Variants in PRKCQ observed in about 807,000 individuals in gnomAD.
PRKCQ encodes protein kinase C theta.
In PRKCQ, 41 loss-of-function variants were observed where a neutral mutation model predicts 91.2. The ratio of observed to expected loss-of-function variants is 0.45; its 90% confidence interval spans 0.35 to 0.58. The LOEUF (loss-of-function observed/expected upper bound fraction) is 0.58, where lower values mean the gene tolerates loss of function less well. PRKCQ is among the 20% of genes least tolerant of loss of function. PRKCQ has a pLI of 0.00. For synonymous variants in PRKCQ, 307 were observed against 316.9 expected (o/e 0.97, Z 0.33); for missense variants, 673 against 896.5 (o/e 0.75, Z 3.18).
chr10:6,404,586 TC>T, the PRKCQ span, among the ~76,000 whole-genome samples: 380 of 146,286 alleles, frequency 2.6e-3, 6 homozygotes, highest in African/African-American at 7.2e-3. Flanking sequence ...TTTCTTTCTT[TC>T]TTTTTTTCTC....
upstream of PRKCQ, chr10:6,580,278 C>CGGGACTG (rs1564405575): frequency 3.7e-3 from 81 of 22,028 alleles, 1 homozygote; most frequent in South Asian, 0.084. Context: ...GCGGGGACTG[C>CGGGACTG]GCGGGGACTG....
In PRKCQ at chr10:6,576,355, A is replaced by G. The variant is rs1367494872; in HGVS notation, c.-10+3856T>C. On this transcript the variant is annotated intron_variant, in intron 1 of 17. Coordinates refer to ENST00000263125, the MANE Select transcript of PRKCQ (RefSeq NM_006257.5). This position sits in a 1 kb window ranked among gnomAD's most constrained non-coding sequence, Gnocchi z 4.2. ...AATGTGGTATATCCATAAATGGAAT[A>G]GTATTCAGACTTAAAAAGGAAGGAA... Among the ~76,000 whole-genome samples, 3 of 152,276 alleles carry G rather than the reference A, an allele frequency of 2.0e-5. No homozygotes were observed. The highest frequency in any genetic ancestry group is 4.8e-5 in the African/African-American group (2 of 41,476).
At chr10:6,566,436 C>A (rs1326230251) in intron 1 of PRKCQ, among the ~76,000 whole-genome samples, 2 of 152,138 alleles carry the variant, frequency 1.3e-5, no homozygotes, top group Non-Finnish European at 2.9e-5. Context: ...AAAACAGCTA[C>A]AAAATATTCG....
At chr10:6,491,570 G>A in intron 8 of PRKCQ, 113 bp downstream of exon 8, 1 of 1,404,326 alleles carries the variant, frequency 7.1e-7, no homozygotes, top group Non-Finnish European at 9.6e-7. Flanking sequence ...TGACTTGTCT[G>A]GGCTGGGTGT....
chr10:6,412,405 G>A, the PRKCQ span, among the ~76,000 whole-genome samples: 1 of 152,174 alleles, frequency 6.6e-6, no homozygotes, highest in Non-Finnish European at 1.5e-5. Context: ...TGAAATTAAA[G>A]CTAACTTTAA....
chr10:6,511,519 G>A (rs1019366661), intron 2 of PRKCQ, among the ~76,000 whole-genome samples: 11 of 152,360 alleles, frequency 7.2e-5, no homozygotes, highest in African/African-American at 2.6e-4. Context: ...GCCAATGACT[G>A]AGATGACGAG....
At chr10:6,468,217 G>A (rs1835785970) in intron 12 of PRKCQ, among the ~76,000 whole-genome samples, 1 of 152,158 alleles carries the variant, frequency 6.6e-6, no homozygotes, top group Non-Finnish European at 1.5e-5. Context: ...GGGAGGAATA[G>A]GACATTTTGT....
chr10:6,485,992 T>C (rs1836896249), intron 9 of PRKCQ, 43 bp downstream of exon 9: 1 of 1,529,024 alleles, frequency 6.5e-7, no homozygotes, highest in South Asian at 1.1e-5. Context: ...ACATCCTTGC[T>C]GAGCGGCCAT....
In PRKCQ at chr10:6,483,482, A is replaced by G. The variant is rs1836727348; in HGVS notation, c.1137T>C (p.Asp379=). ...TCCCCAACATTTTGTGCAAGATAAA[A>G]TCCTCAATTTTTAGTTTAATCTGCA... is the stretch of plus-strand genomic sequence containing the variant. ...PSLQIKLKIE[D]FILHKMLGKG... Residue 379 remains aspartate (D), a synonymous_variant, in exon 11 of 18, where the codon GAT becomes GAC. Transcript: ENST00000263125. The G allele has an allele frequency of 6.2e-7, 1 of 1,614,068 alleles. No individual in the cohort carries two copies. The highest frequency in any genetic ancestry group is 1.3e-5 in the African/African-American group (1 of 74,916).
chr10:6,507,902 T>G (rs1027753890), intron 3 of PRKCQ, among the ~76,000 whole-genome samples: 2 of 152,162 alleles, frequency 1.3e-5, no homozygotes, highest in African/African-American at 2.4e-5. Flanking sequence ...GAGGGAAAGA[T>G]AAATCCTGCC....
At chr10:6,472,286 C>G (rs750449363) in intron 12 of PRKCQ, among the ~76,000 whole-genome samples, 2 of 151,904 alleles carry the variant, frequency 1.3e-5, no homozygotes, top group South Asian at 4.2e-4. Flanking sequence ...CCAGGCTGGG[C>G]GACAGAGCGA....
chr10:6,409,052 T>C, the PRKCQ span, among the ~76,000 whole-genome samples: 2 of 152,226 alleles, frequency 1.3e-5, no homozygotes, highest in Non-Finnish European at 2.9e-5. Context: ...TTTCAAGTTT[T>C]GCCAGTCTCA....
Position 6,497,309 on chromosome 10 carries a change from G to A in PRKCQ, c.543-58C>T. 6.3e-7 allele frequency: 1 copy of A among 1,590,438 alleles called. No individual in the cohort carries two copies. The highest frequency in any genetic ancestry group is 8.6e-7 in the Non-Finnish European group (1 of 1,159,198). On this transcript the variant is annotated intron_variant, in intron 5 of 17. Coordinates refer to ENST00000263125, the MANE Select transcript of PRKCQ (RefSeq NM_006257.5). The surrounding 1 kb of genome is among the most constrained non-coding windows in gnomAD (Gnocchi z 4.5). The stretch of plus-strand genomic sequence containing the variant: ...GTTGGCATCAACATCAGCACCAACA[G>A]CATTTAAGAGATGGATGAGATCTCA...
At chr10:6,530,194 G>A (rs1286110773) in intron 1 of PRKCQ, among the ~76,000 whole-genome samples, 1 of 152,170 alleles carries the variant, frequency 6.6e-6, no homozygotes, top group Non-Finnish European at 1.5e-5. Flanking sequence ...GAGCCTTCGA[G>A]AGCCTGGGCT....
At chr10:6,469,263 T>G (rs1035442214) in intron 12 of PRKCQ, among the ~76,000 whole-genome samples, 2 of 152,232 alleles carry the variant, frequency 1.3e-5, no homozygotes, top group African/African-American at 4.8e-5. Context: ...AACTTCATAA[T>G]GACCAAGAAG....
At chr10:6,448,555 C>T (rs867046469) in intron 15 of PRKCQ, among the ~76,000 whole-genome samples, 3 of 151,924 alleles carry the variant, frequency 2.0e-5, no homozygotes, top group Admixed American at 6.6e-5. Context: ...ATTACAGGTA[C>T]GTGCCACCAC....
At chr10:6,478,195 A>T (rs1463003919) in intron 12 of PRKCQ, among the ~76,000 whole-genome samples, 1 of 152,234 alleles carries the variant, frequency 6.6e-6, no homozygotes, top group Non-Finnish European at 1.5e-5. Flanking sequence ...ACAAATGCAG[A>T]GTACAGTGCA....
Position 6,497,924 on chromosome 10 carries a change from T to C in PRKCQ, c.542+472A>G, listed in dbSNP as rs1837704138. On this transcript the variant is annotated intron_variant, in intron 5 of 17. Transcript: ENST00000263125. This position sits in a 1 kb window ranked among gnomAD's most constrained non-coding sequence, Gnocchi z 4.5. ...CTCCACTCTGTCATAGCCTTTGCTA[T>C]GTGGTTACTGAGGTTTAAACTGATC... Among the ~76,000 whole-genome samples, 1 of 152,214 alleles carries C rather than the reference T, an allele frequency of 6.6e-6. No homozygotes were observed. The highest frequency in any genetic ancestry group is 1.5e-5 in the Non-Finnish European group (1 of 68,028).
intron 1 of PRKCQ, among the ~76,000 whole-genome samples, chr10:6,552,738 A>T (rs955656291): frequency 3.3e-5 from 5 of 152,188 alleles, no homozygotes; most frequent in African/African-American, 1.2e-4. Context: ...AAGTGCTGGG[A>T]TCACAGGTGT....
Sources: gnomAD v4.1 joint callset for allele counts (sites outside exome capture counted in the v4.1 genomes callset) on GRCh38, gnomAD v4.1.1 for gene constraint, Gnocchi (gnomAD v3.1) non-coding constraint, MANE v1.5 for transcripts, NCBI Gene and HGNC (gene_info 2026-07-23, HGNC 2026-07-21) for gene names.